KIAA1614: variants seen among roughly 807,000 people sequenced by gnomAD.
KIAA1614 encodes uncharacterized protein KIAA1614.
In KIAA1614, 76 loss-of-function variants were observed where a neutral mutation model predicts 88.7. The observed-to-expected ratio is 0.86, with a 90% CI of 0.71 to 1.04. KIAA1614 has a LOEUF of 1.04. Ranked by LOEUF, KIAA1614 falls within the 50% of genes least tolerant of loss-of-function variation. The pLI is 0.00. For missense variants in KIAA1614, 1,553 were observed against 1,582.5 expected (o/e 0.98, Z 0.32); for synonymous variants, 714 against 675.5 (o/e 1.06, Z -0.88).
chr1:180,926,078 G>A (rs1189591796), intron 3 of KIAA1614, among the ~76,000 whole-genome samples: 1 of 152,172 alleles, frequency 6.6e-6, no homozygotes, highest in Admixed American at 6.5e-5. Context: ...CAGAAGTGCA[G>A]ACTTTCAAGA....
At chr1:180,932,875 G>A (rs1014555705) in intron 4 of KIAA1614, among the ~76,000 whole-genome samples, 1 of 152,138 alleles carries the variant, frequency 6.6e-6, no homozygotes, top group Non-Finnish European at 1.5e-5. Context: ...AAGTAGCTGG[G>A]ACTACAGGCA....
rs1199984715 is a variant in KIAA1614 at position 180,945,747 on chromosome 1, C to T, written c.*159C>T. 16 of 1,373,644 alleles carry T rather than the reference C, an allele frequency of 1.2e-5. No individual in the cohort carries two copies. The highest frequency in any genetic ancestry group is 3.7e-5 in the South Asian group (2 of 54,476). 85.1% of individuals were successfully genotyped at this position (1,373,644 alleles called of 1,614,324 possible). ...TGAGAGTGCGTTGGTGGGGAGTGTGCGGGAGGGGGTAGAGTTGGCAGGTTT... is the reference window on the plus strand; with the variant it reads ...TGAGAGTGCGTTGGTGGGGAGTGTGTGGGAGGGGGTAGAGTTGGCAGGTTT... On this transcript the variant is annotated 3_prime_UTR_variant, in exon 9 of 9. Transcript: ENST00000367588.
In KIAA1614 at chr1:180,918,025, C is replaced by T. The variant is rs1047435958; in HGVS notation, c.1061+111C>T. The T allele has an allele frequency of 1.8e-5, 16 of 875,850 alleles. No homozygotes were observed. In the Admixed American group the frequency reaches 2.8e-4, roughly 15 times the overall value. 54.3% of individuals were successfully genotyped at this position (875,850 alleles called of 1,614,324 possible). A position where few individuals can be genotyped will look rare whatever the true frequency, so the allele number is the denominator to read the frequency against. On this transcript the variant is annotated intron_variant, in intron 3 of 8. Coordinates refer to ENST00000367588, the MANE Select transcript of KIAA1614 (RefSeq NM_020950.2). ...CCCAAAGTGAGAGGGCAGGCAGACT[C>T]CTGCACCAGCAGACCAGTGGACGTC...
chr1:180,934,605 A>G (rs1414451007), intron 4 of KIAA1614, among the ~76,000 whole-genome samples: 6 of 152,214 alleles, frequency 3.9e-5, no homozygotes, highest in Admixed American at 3.9e-4. Flanking sequence ...CAAACAAAAA[A>G]AAGAATCTCT....
chr1:180,941,094 T>C lies in KIAA1614; in HGVS notation c.2968T>C (p.Leu990=). 6.6e-7 allele frequency: 1 copy of C among 1,506,294 alleles called. No homozygotes were observed. The highest frequency in any genetic ancestry group is 9.0e-7 in the Non-Finnish European group (1 of 1,114,220). 93.3% of individuals were successfully genotyped at this position (1,506,294 alleles called of 1,614,324 possible). A position where few individuals can be genotyped will look rare whatever the true frequency, so the allele number is the denominator to read the frequency against. ...ACCCGGCTCCCCCTCGGCTGCCCCTTTGGACCAGAACAAGAAAAGGAGCAG... is the reference window on the plus strand; with the variant it reads ...ACCCGGCTCCCCCTCGGCTGCCCCTCTGGACCAGAACAAGAAAAGGAGCAG... The part of the protein sequence containing the change: ...TGPGSPSAAP[L]DQNKKRSSSI... The change falls in exon 7 of 9, where the codon TTG becomes CTG. Residue 990 remains leucine (L), a synonymous_variant. Transcript: ENST00000367588.
In KIAA1614 at chr1:180,950,446, G is replaced by T; in HGVS notation, c.*4858G>T. 8.4e-7 allele frequency: 1 copy of T among 1,183,534 alleles called. No homozygotes were observed. Among genetic ancestry groups the T allele is most frequent in the African/African-American group, 1.6e-5 (1 of 61,004 alleles). 73.3% of individuals were successfully genotyped at this position (1,183,534 alleles called of 1,614,324 possible). On this transcript the variant is annotated 3_prime_UTR_variant, in exon 9 of 9. Coordinates refer to ENST00000367588, the MANE Select transcript of KIAA1614 (RefSeq NM_020950.2). ...AGGTGAACGGGGCCAAGGTGGCAGG[G>T]CTGGGCTTGGCTCACATTAAGGAGC...
chr1:180,936,110 C>T lies in KIAA1614; in HGVS notation c.2201C>T (p.Pro734Leu), dbSNP rs970501082. 12 of 1,614,060 alleles carry T rather than the reference C, an allele frequency of 7.4e-6. No individual in the cohort carries two copies. The highest frequency in any genetic ancestry group is 9.3e-6 in the Non-Finnish European group (11 of 1,180,030). ...GGACCAGGGCTGGGAAGTCACCAGC[C>T]TCACCCTTTGGATTCCCGGACTCCA... ...QPGPGLGSHQ[P>L]HPLDSRTPCR... is the part of the protein sequence containing the mutation. Residue 734 changes from proline (P) to leucine (L), a missense_variant, in exon 5 of 9, where the codon CCT (proline) becomes CTT (leucine). Physicochemically the swap from Pro to Leu is moderately conservative, Grantham distance 98. Coordinates refer to ENST00000367588, the MANE Select transcript of KIAA1614 (RefSeq NM_020950.2).
rs1453429059 is a variant in KIAA1614, at chr1:180,938,822, C to T, written c.2918+111C>T. 64 of 960,830 alleles carry T rather than the reference C, an allele frequency of 6.7e-5. 1 individual carries two copies. The South Asian group carries it at 9.8e-4, about 15-fold the overall frequency. 59.5% of individuals were successfully genotyped at this position (960,830 alleles called of 1,614,324 possible). ...CATGACCCACCTCCCTGCCCCTAGT[C>T]TTCAGAGGATCCCTAGACTGTGAAC... On this transcript the variant is annotated intron_variant, in intron 6 of 8. Transcript: ENST00000367588.
At position 180,916,151 on chromosome 1, in the gene KIAA1614, C is replaced by T; in HGVS notation, c.51-3C>T. On this transcript the variant is annotated splice_polypyrimidine_tract_variant and splice_region_variant and intron_variant, in intron 1 of 8. Transcript: ENST00000367588. ...TAGGAACTCTGTCTGTTTTCTCCTC[C>T]AGAGGGCCCAAGACAGGGAGTGGAA... 6.5e-7 allele frequency: 1 copy of T among 1,542,620 alleles called. No homozygotes were observed. Among genetic ancestry groups the T allele is most frequent in the Non-Finnish European group, 8.7e-7 (1 of 1,146,188 alleles).
Position 180,950,402 on chromosome 1 carries a change from G to C in KIAA1614, c.*4814G>C, listed in dbSNP as rs747410832. 2.4e-6 allele frequency: 3 copies of C among 1,233,864 alleles called. No individual in the cohort carries two copies. In the African/African-American group the frequency reaches 4.8e-5, roughly 20 times the overall value. 76.4% of individuals were successfully genotyped at this position (1,233,864 alleles called of 1,614,324 possible). ...CAAGCTGTACTCAGGGCTGCTGGGG[G>C]TGGGCGATGAGATCCTCGAGGTGAA... is the stretch of plus-strand genomic sequence containing the variant. On this transcript the variant is annotated 3_prime_UTR_variant, in exon 9 of 9. Transcript: ENST00000367588.
chr1:180,921,875 C>T (rs1339042727), intron 3 of KIAA1614, among the ~76,000 whole-genome samples: 3 of 152,230 alleles, frequency 2.0e-5, no homozygotes, highest in African/African-American at 7.2e-5. Context: ...CTCAGGCTCT[C>T]TCTGTACCAG....
Position 180,944,479 on chromosome 1 carries a change from C to G in KIAA1614, c.3250C>G (p.Leu1084Val). ...SSKGNRSSLYLVAGPGDHSAA... is the reference protein window; with the variant it reads ...SSKGNRSSLYVVAGPGDHSAA... ...CAAGGGGAACCGGTCCAGCCTCTAC[C>G]TGGTAGCAGGGCCAGGGGACCACAG... The change falls in exon 8 of 9, where the codon CTG (leucine) becomes GTG (valine). Residue 1084 changes from leucine to valine, a missense_variant. Transcript: ENST00000367588. The G allele has an allele frequency of 6.2e-7, 1 of 1,613,906 alleles. No individual in the cohort carries two copies. The highest frequency in any genetic ancestry group is 8.5e-7 in the Non-Finnish European group (1 of 1,179,872).
rs1654484163 is a variant in KIAA1614 at position 180,942,183 on chromosome 1, G to C, written c.3159+898G>C. Among the ~76,000 whole-genome samples the C allele has an allele frequency of 3.3e-5, 5 of 152,100 alleles. No homozygotes were observed. The South Asian group carries it at 1.0e-3, about 31-fold the overall frequency. Reference sequence around the variant, plus strand: ...CTCACTGGAGTGTGAGTTATTTGAGGGAACAACGCTTGATCTTTGTATTCC... The same window carrying C: ...CTCACTGGAGTGTGAGTTATTTGAGCGAACAACGCTTGATCTTTGTATTCC... On this transcript the variant is annotated intron_variant, in intron 7 of 8. Transcript: ENST00000367588.
chr1:180,939,423 C>T (rs985699367), intron 6 of KIAA1614, among the ~76,000 whole-genome samples: 4 of 152,206 alleles, frequency 2.6e-5, no homozygotes, highest in African/African-American at 9.7e-5. Context: ...ATGTCCCCTT[C>T]CCGGCAAACA....
intron 4 of KIAA1614, among the ~76,000 whole-genome samples, chr1:180,934,845 C>G (rs981327856): frequency 3.3e-5 from 5 of 152,144 alleles, no homozygotes; most frequent in African/African-American, 1.2e-4. Context: ...CATCTTAACT[C>G]AGGCTGAGCC....
chr1:180,946,314 G>A lies in KIAA1614; in HGVS notation c.*726G>A, dbSNP rs1654596018. On this transcript the variant is annotated 3_prime_UTR_variant, in exon 9 of 9. Transcript: ENST00000367588. ...TGCATCCCGTCCCTCCCTCAGGCCTGTGCCCGATGATTATGTTCAGATGAA... is the reference window on the plus strand; with the variant it reads ...TGCATCCCGTCCCTCCCTCAGGCCTATGCCCGATGATTATGTTCAGATGAA... 6.6e-6 allele frequency: 1 copy of A among 152,160 alleles called. No individual in the cohort carries two copies. The highest frequency in any genetic ancestry group is 6.6e-5 in the Admixed American group (1 of 15,264). 9.4% of individuals were successfully genotyped at this position (152,160 alleles called of 1,614,324 possible).
At chr1:180,922,453 C>T (rs1320909533) in intron 3 of KIAA1614, among the ~76,000 whole-genome samples, 1 of 152,054 alleles carries the variant, frequency 6.6e-6, no homozygotes, top group East Asian at 1.9e-4. Flanking sequence ...GGGCGGGTCC[C>T]GATCTTCAGG....
In KIAA1614 at chr1:180,938,620, T is replaced by C. The variant is rs1654384363; in HGVS notation, c.2827T>C (p.Ser943Pro). ...ATINSTGITL[S>P]LSSEESESSK... ...CATCAACTCCACGGGCATCACCCTC[T>C]CCCTGTCCTCAGAGGAGTCAGAGTC... The change falls in exon 6 of 9, where the codon TCC becomes CCC. Residue 943 changes from serine to proline, a missense_variant. Ser to Pro is a moderately conservative substitution (Grantham distance 74). Transcript: ENST00000367588. The C allele has an allele frequency of 3.7e-6, 6 of 1,614,142 alleles. No homozygotes were observed. The highest frequency in any genetic ancestry group is 5.1e-6 in the Non-Finnish European group (6 of 1,179,994).
Position 180,935,564 on chromosome 1 carries a change from AG to A in KIAA1614, c.1657del (p.Ala553ArgfsTer24), listed in dbSNP as rs746585843. ...CIDDPRPAQGKAPPVPRTLQE... is the reference protein window; with the variant it reads ...CIDDPRPAQGXAPPVPRTLQE... Reference sequence around the variant, plus strand: ...GACGACCCGCGCCCCGCCCAGGGGAAGGCGCCCCCCGTCCCCAGGACCCTCC... The same window carrying A: ...GACGACCCGCGCCCCGCCCAGGGGAAGCGCCCCCCGTCCCCAGGACCCTCC... On this transcript the variant is annotated frameshift_variant, in exon 5 of 9. Coordinates refer to ENST00000367588, the MANE Select transcript of KIAA1614 (RefSeq NM_020950.2). LOFTEE classifies it high-confidence loss of function. The surrounding 1 kb of genome is among the most constrained non-coding windows in gnomAD (Gnocchi z 6.1). 6.2e-7 allele frequency: 1 copy of A among 1,601,928 alleles called. No individual in the cohort carries two copies. Among genetic ancestry groups the A allele is most frequent in the South Asian group, 1.1e-5 (1 of 90,038 alleles).
Sources: gnomAD v4.1 joint callset for allele counts (sites outside exome capture counted in the v4.1 genomes callset) on GRCh38, gnomAD v4.1.1 for gene constraint, Gnocchi (gnomAD v3.1) non-coding constraint, MANE v1.5 for transcripts, NCBI Gene and HGNC (gene_info 2026-07-23, HGNC 2026-07-21) for gene names.